The following ZNF638 variants were observed in gnomAD, a reference collection of about 807,000 sequenced individuals.
ZNF638 encodes zinc finger protein 638, also known as CTCL tumor antigen se33-1.
Under a neutral mutation model 195.6 loss-of-function variants are expected in ZNF638, and 46 were observed. The ratio of observed to expected loss-of-function variants is 0.24; its 90% CI spans 0.19 to 0.30. The LOEUF is 0.30. Ranked by LOEUF, ZNF638 falls within the 10% of genes least tolerant of loss-of-function variation. The pLI, the probability that ZNF638 is intolerant of heterozygous loss-of-function variation, is 1.00. For missense variants in ZNF638, 2,440 were observed against 2,325.3 expected, an observed-to-expected ratio of 1.05 and a Z score of -1.01; for synonymous variants, 845 against 772.0, an observed-to-expected ratio of 1.09 and a Z score of -1.57.
chr2:71,364,937 T>G lies in ZNF638; in HGVS notation c.1718-492T>G, dbSNP rs536266182. On this transcript the variant is annotated intron_variant, in intron 5 of 27. Coordinates refer to ENST00000264447, the MANE Select transcript of ZNF638 (RefSeq NM_014497.5). ...TTTATCCAGAAGCAGATATAAGAAT[T>G]TAGGTTCTTCTTTTAAGCTCAACAT... Among the ~76,000 whole-genome samples, 3 of 152,326 alleles carry G rather than the reference T, an allele frequency of 2.0e-5. No individual in the cohort carries two copies. In the East Asian group the frequency reaches 5.8e-4, roughly 29 times the overall value.
chr2:71,351,421 G>A lies in ZNF638; in HGVS notation c.1317+1150G>A, dbSNP rs145697571. On this transcript the variant is annotated intron_variant, in intron 2 of 27. Transcript: ENST00000264447. ...TAATAGTTGCCTTATTCCATCAGAA[G>A]GGATAGCAAAGTCCTTACAAGGGAA... Among the ~76,000 whole-genome samples, 366 of 152,286 alleles carry A rather than the reference G, an allele frequency of 2.4e-3. 1 individual carries two copies. Among genetic ancestry groups the A allele is most frequent in the African/African-American group, 8.5e-3 (354 of 41,558 alleles).
intron 27 of ZNF638, among the ~76,000 whole-genome samples, chr2:71,433,928 G>A (rs557013800): frequency 1.3e-5 from 2 of 152,294 alleles, no homozygotes; most frequent in Admixed American, 1.3e-4. Flanking sequence ...AGGAGGTTAC[G>A]TATCTAAACC....
intron 10 of ZNF638, among the ~76,000 whole-genome samples, chr2:71,391,933 T>C (rs1007280860): frequency 9.9e-5 from 15 of 152,106 alleles, no homozygotes; most frequent in African/African-American, 3.4e-4. Flanking sequence ...TGCTAAACAC[T>C]CCTCTACAGG....
At chr2:71,336,540 AC>A (rs1405674322) in intron 1 of ZNF638, among the ~76,000 whole-genome samples, 3 of 152,190 alleles carry the variant, frequency 2.0e-5, no homozygotes, top group Non-Finnish European at 4.4e-5. Flanking sequence ...AGAAAGAAAC[AC>A]CTATTAAGCA....
Position 71,355,800 on chromosome 2 carries a change from T to G in ZNF638, c.1379+20T>G, listed in dbSNP as rs753676536. ...TCAACAGTAAGAATATATTTTTCCT[T>G]TATTATAGATAGCATATTTACAAAA... On this transcript the variant is annotated intron_variant, in intron 3 of 27. Coordinates refer to ENST00000264447, the MANE Select transcript of ZNF638 (RefSeq NM_014497.5). The G allele has an allele frequency of 1.3e-5, 19 of 1,452,662 alleles. No individual in the cohort carries two copies. In the South Asian group the frequency reaches 1.4e-4, roughly 11 times the overall value. The allele number at this position is 1,452,662 out of a possible 1,614,324, so 90.0% of individuals were successfully genotyped here.
intron 10 of ZNF638, chr2:71,395,226 T>TCA (rs2079867925): frequency 1.4e-6 from 1 of 717,152 alleles, no homozygotes; most frequent in Admixed American, 2.0e-5. Flanking sequence ...ATGTTTGTCT[T>TCA]ATGTTATTTA....
intron 21 of ZNF638, 134 bp from the exon 22 acceptor site, chr2:71,422,678 CTT>C (rs2080456353): frequency 8.3e-6 from 7 of 839,278 alleles, no homozygotes; most frequent in Admixed American, 2.9e-5. Context: ...TTTCCCAGTG[CTT>C]ATTACGAATG....
intron 20 of ZNF638, among the ~76,000 whole-genome samples, chr2:71,411,867 G>GTC (rs1329853226): frequency 3.6e-5 from 1 of 28,048 alleles, no homozygotes; most frequent in Non-Finnish European, 6.5e-5. Context: ...TCTTAATCCA[G>GTC]TCTATCATTG....
chr2:71,366,337 A>C (rs1211172746), intron 6 of ZNF638, among the ~76,000 whole-genome samples: 2 of 151,556 alleles, frequency 1.3e-5, no homozygotes, highest in African/African-American at 2.4e-5. Context: ...TCCAGCCTGA[A>C]CTACAGAAGG....
chr2:71,434,266 T>G (rs996066252), intron 27 of ZNF638, among the ~76,000 whole-genome samples: 1 of 152,198 alleles, frequency 6.6e-6, no homozygotes, highest in Non-Finnish European at 1.5e-5. Context: ...TATACTGCTG[T>G]TCTTTTGCCC....
At chr2:71,343,682 A>G (rs1282690944) in intron 1 of ZNF638, among the ~76,000 whole-genome samples, 2 of 152,140 alleles carry the variant, frequency 1.3e-5, no homozygotes, top group African/African-American at 4.8e-5. Context: ...TGACACCCCT[A>G]AATAGAATTT....
intron 1 of ZNF638, among the ~76,000 whole-genome samples, chr2:71,346,173 G>A (rs1488946991): frequency 6.6e-6 from 1 of 152,170 alleles, no homozygotes; most frequent in African/African-American, 2.4e-5. Flanking sequence ...ATTTGAAAGA[G>A]CTTGTGCTTA....
chr2:71,402,625 A>G (rs1159357033), intron 16 of ZNF638, among the ~76,000 whole-genome samples: 2 of 152,174 alleles, frequency 1.3e-5, no homozygotes, highest in African/African-American at 2.4e-5. Flanking sequence ...GATGTCATCA[A>G]TACTTAAAAC....
chr2:71,434,088 T>G (rs1304283338), intron 27 of ZNF638, among the ~76,000 whole-genome samples: 2 of 152,208 alleles, frequency 1.3e-5, no homozygotes, highest in African/African-American at 4.8e-5. Flanking sequence ...TTCTAGTAGC[T>G]TCATATTGCA....
rs368487826 is a variant in ZNF638, at chr2:71,346,051, A to T, written c.-202-2702A>T. Among the ~76,000 whole-genome samples the T allele has an allele frequency of 3.9e-5, 6 of 152,244 alleles. No homozygotes were observed. In the South Asian group the frequency reaches 8.3e-4, roughly 21 times the overall value. Reference sequence around the variant, plus strand: ...ACACAGTACATTTTTGCCTTTAAGGAATTTTAAATGGAGATTGTTCCAAAT... The same window carrying T: ...ACACAGTACATTTTTGCCTTTAAGGTATTTTAAATGGAGATTGTTCCAAAT... On this transcript the variant is annotated intron_variant, in intron 1 of 27. Coordinates refer to ENST00000264447, the MANE Select transcript of ZNF638 (RefSeq NM_014497.5).
At chr2:71,364,831 A>T (rs1349772757) in intron 5 of ZNF638, among the ~76,000 whole-genome samples, 6 of 152,192 alleles carry the variant, frequency 3.9e-5, no homozygotes, top group Non-Finnish European at 5.9e-5. Flanking sequence ...TGGCCCAAGG[A>T]TCGATTGGGG....
At chr2:71,434,051 C>G (rs1421247883) in intron 27 of ZNF638, among the ~76,000 whole-genome samples, 1 of 152,162 alleles carries the variant, frequency 6.6e-6, no homozygotes, top group African/African-American at 2.4e-5. Flanking sequence ...TAACTTAGTT[C>G]ATCATGTCAC....
chr2:71,365,838 T>C, intron 6 of ZNF638, 132 bp downstream of exon 6: 1 of 884,594 alleles, frequency 1.1e-6, no homozygotes, highest in Non-Finnish European at 1.7e-6. Context: ...TCCTGCCTCA[T>C]CTTCCCAAGT....
chr2:71,395,682 C>T, intron 10 of ZNF638: 1 of 479,118 alleles, frequency 2.1e-6, no homozygotes, highest in Non-Finnish European at 4.0e-6. Flanking sequence ...CAAGCGGCTC[C>T]AGCTTATCAG....
Sources: allele counts gnomAD v4.1 joint callset (sites outside exome capture counted in the v4.1 genomes callset), GRCh38; gene constraint gnomAD v4.1.1; transcripts MANE v1.5; gene names NCBI Gene and HGNC (gene_info 2026-07-23, HGNC 2026-07-21).